NEB: variants seen among roughly 807,000 people sequenced by gnomAD.
NEB encodes nemaline myopathy type 2.
Under a neutral mutation model 952.2 loss-of-function variants are expected in NEB, and 512 were observed. That is an observed-to-expected ratio of 0.54 (90% CI 0.50 to 0.58). NEB has a LOEUF of 0.58. NEB is among the 20% of genes least tolerant of loss of function. The pLI is 0.00. For synonymous variants in NEB, 2,900 were observed against 3,149.8 expected (o/e 0.92, Z 2.66); for missense variants, 8,428 against 9,231.1 (o/e 0.91, Z 3.56).
chr2:151,514,410 G>T lies in NEB; in HGVS notation c.23035C>A (p.Leu7679Ile), dbSNP rs1021578285. Residue 7679 changes from leucine (L) to isoleucine (I), a missense_variant, in exon 159 of 182, where the codon CTA (leucine) becomes ATA (isoleucine). This residue lies in a region of NEB where 3,374 missense variants were observed against 3,651.5 expected (regional missense o/e 0.92). Transcript: ENST00000397345. ...IASEKEYRKD[L>I]EESIRGKGLT... ...CCCTTCCCACGGATGCTTTCCTCTA[G>T]ATCTTTCCTGTACTCTTTCTATATC... The T allele has an allele frequency of 3.7e-6, 6 of 1,611,666 alleles. No individual in the cohort carries two copies. The African/African-American group carries it at 8.0e-5, about 22-fold the overall frequency.
rs549612614 is a variant in NEB at position 151,498,810 on chromosome 2, T to C, written c.24115-458A>G. ...TTCTTTTGTTCACTTTCAAAAGAAG[T>C]CAGAGTATTTAATTTTTAGTTTGGG... On this transcript the variant is annotated intron_variant, in intron 169 of 181. Transcript: ENST00000397345. 3.9e-5 allele frequency among the ~76,000 whole-genome samples: 6 copies of C among 152,052 alleles called. No homozygotes were observed. In the East Asian group the frequency reaches 1.2e-3, roughly 29 times the overall value.
At chr2:151,674,672 A>G (rs2099345397) in intron 35 of NEB, 88 bp from the exon 36 acceptor site, 3 of 974,812 alleles carry the variant, frequency 3.1e-6, no homozygotes, top group Non-Finnish European at 4.9e-6. Flanking sequence ...ACAGAAGTTG[A>G]AGGAATCCCT....
intron 64 of NEB, among the ~76,000 whole-genome samples, chr2:151,634,598 C>A (rs747662736): frequency 5.9e-5 from 9 of 152,078 alleles, no homozygotes; most frequent in African/African-American, 2.2e-4. Context: ...CCCAAAATTA[C>A]GCCACTGCAC....
intron 13 of NEB, among the ~76,000 whole-genome samples, chr2:151,701,737 C>A (rs1322160472): frequency 6.6e-6 from 1 of 150,606 alleles, no homozygotes; most frequent in Admixed American, 6.6e-5. Context: ...TTTATTGTGT[C>A]TATTTGATTC....
At chr2:151,500,565 T>TAA (rs745363472) in intron 168 of NEB, among the ~76,000 whole-genome samples, 1 of 149,296 alleles carries the variant, frequency 6.7e-6, no homozygotes, top group African/African-American at 2.4e-5. Flanking sequence ...TTGTTTTGAA[T>TAA]AAGTATCAAA....
Position 151,618,347 on chromosome 2 carries a change from C to T in NEB, c.11004G>A (p.Thr3668=), listed in dbSNP as rs117018177. The T allele has an allele frequency of 1.9e-3, 3,130 of 1,613,946 alleles. 59 individuals are homozygous for T. In the East Asian group the frequency reaches 0.042, roughly 22 times the overall value. Residue 3668 remains threonine, a synonymous_variant, in exon 74 of 182, where the codon ACG becomes ACA. Transcript: ENST00000397345. ...SDTIYRQRPE[T]LKFTSITDTP... ...TGTCCGTTATACTGGTAAATTTCAG[C>T]GTTTCTGGACGCTGACGGTAGATAG...
chr2:151,626,950 A>G (rs2098538317), intron 70 of NEB, 52 bp downstream of exon 70: 2 of 1,581,544 alleles, frequency 1.3e-6, no homozygotes, highest in East Asian at 2.2e-5. Flanking sequence ...AACAATAGGT[A>G]TCTTGAATGA....
chr2:151,617,272 G>C, intron 75 of NEB, 92 bp downstream of exon 75: 1 of 778,262 alleles, frequency 1.3e-6, no homozygotes, highest in Non-Finnish European at 2.1e-6. Flanking sequence ...TGTAGTATGT[G>C]TAGTAAATTA....
At chr2:151,492,929 C>T (rs2057706904) in intron 176 of NEB, 1 of 183,674 alleles carries the variant, frequency 5.4e-6, no homozygotes, top group Middle Eastern at 2.6e-3. Context: ...CAAAGTCCTC[C>T]AGACACTAAA....
rs2099215851 is a variant in NEB, at chr2:151,666,262, G to A, written c.4859C>T (p.Ala1620Val). Residue 1620 changes from alanine to valine, a missense_variant, in exon 41 of 182, where the codon GCC (alanine) becomes GTC (valine). By Grantham distance (64) the Ala-to-Val change is moderately conservative. Coordinates refer to ENST00000397345, the MANE Select transcript of NEB (RefSeq NM_001164508.2). ...AGGTGTGTGGTACTTGGTCTTGCTG[G>A]CTTCATAGCCCTTTTTGTACTCACG... ...SDREYKKGYE[A>V]SKTKYHTPLD... 8.1e-6 allele frequency: 13 copies of A among 1,613,800 alleles called. No homozygotes were observed. Among genetic ancestry groups the A allele is most frequent in the Non-Finnish European group, 1.0e-5 (12 of 1,179,864 alleles).
At chr2:151,692,892 C>T (rs1484347263) in intron 20 of NEB, among the ~76,000 whole-genome samples, 1 of 152,116 alleles carries the variant, frequency 6.6e-6, no homozygotes, top group Admixed American at 6.6e-5. Context: ...ATTGCTTGAA[C>T]CTGGGAGGCA....
At chr2:151,549,825 T>C (rs962463138) in intron 129 of NEB, 85 bp from the exon 130 acceptor site, 7 of 776,356 alleles carry the variant, frequency 9.0e-6, no homozygotes, top group African/African-American at 3.4e-5. Context: ...TAGCTCATGT[T>C]ACAGTTTTGA....
rs893678733 is a variant in NEB, at chr2:151,565,678, G to T, written c.18261+38C>A. On this transcript the variant is annotated intron_variant, in intron 115 of 181. Transcript: ENST00000397345. ...TCTACCCCAACATGGCAGGTAGGAGGACAGGCATAGGTTAGAAGGAGAATA... is the reference window on the plus strand; with the variant it reads ...TCTACCCCAACATGGCAGGTAGGAGTACAGGCATAGGTTAGAAGGAGAATA... The T allele has an allele frequency of 3.8e-6, 6 of 1,582,596 alleles. No homozygotes were observed. In the African/African-American group the frequency reaches 6.7e-5, roughly 18 times the overall value.
At chr2:151,494,324 A>T in intron 173 of NEB, 71 bp from the exon 174 acceptor site, 1 of 1,049,366 alleles carries the variant, frequency 9.5e-7, no homozygotes. Context: ...AGGAAATGGT[A>T]CAGATAACTT....
chr2:151,507,068 T>C, intron 162 of NEB, 55 bp from the exon 163 acceptor site: 1 of 1,088,420 alleles, frequency 9.2e-7, no homozygotes, highest in Non-Finnish European at 1.4e-6. Context: ...TTGTTTTCTT[T>C]ATTTGTCCTA....
At chr2:151,696,381 TTTTG>T (rs1164690518) in intron 17 of NEB, among the ~76,000 whole-genome samples, 1 of 152,140 alleles carries the variant, frequency 6.6e-6, no homozygotes, top group Non-Finnish European at 1.5e-5. Context: ...TTGAATGCGG[TTTTG>T]TTTGACTCTA....
chr2:151,502,075 C>G (rs2065066078), intron 167 of NEB, among the ~76,000 whole-genome samples: 2 of 152,132 alleles, frequency 1.3e-5, no homozygotes, highest in Non-Finnish European at 2.9e-5. Flanking sequence ...CCAGTGACCT[C>G]TAATGAGATT....
At chr2:151,686,991 C>A (rs1186955223) in intron 27 of NEB, among the ~76,000 whole-genome samples, 3 of 152,036 alleles carry the variant, frequency 2.0e-5, no homozygotes, top group African/African-American at 7.2e-5. Context: ...GGATCTAGAC[C>A]AAACTCATTA....
chr2:151,554,833 T>G, intron 125 of NEB, 98 bp downstream of exon 125: 2 of 892,888 alleles, frequency 2.2e-6, no homozygotes, highest in Admixed American at 1.8e-5. Flanking sequence ...TATGTGGAAG[T>G]GCACTCTATG....
Sources: gnomAD v4.1 joint callset for allele counts (sites outside exome capture counted in the v4.1 genomes callset) on GRCh38, gnomAD v4.1.1 for gene constraint, gnomAD v4.1.1 regional missense constraint, MANE v1.5 for transcripts, NCBI Gene and HGNC (gene_info 2026-07-23, HGNC 2026-07-21) for gene names.